POLR1E: variants seen among roughly 807,000 people sequenced by gnomAD.
The protein encoded by POLR1E is RNA polymerase I subunit E.
POLR1E carries 37 observed loss-of-function variants against 50.9 expected under a neutral mutation model. The observed-to-expected ratio is 0.73, with a 90% CI of 0.56 to 0.96. POLR1E has a LOEUF of 0.96. Ranked by LOEUF, POLR1E falls within the 40% of genes least tolerant of loss-of-function variation. POLR1E has a pLI of 0.00. For missense variants in POLR1E, 426 were observed against 518.1 expected (o/e 0.82, Z 1.73); for synonymous variants, 166 against 191.6 (o/e 0.87, Z 1.10).
At chr9:37,493,503 G>A in intron 5 of POLR1E, 56 bp from the exon 6 acceptor site, 2 of 1,415,766 alleles carry the variant, frequency 1.4e-6, no homozygotes, top group African/African-American at 2.9e-5. Context: ...GACACAGCTA[G>A]GAGGGGCAGC....
intron 4 of POLR1E, 116 bp from the exon 5 acceptor site, chr9:37,492,533 CAGGGAAGT>C: frequency 2.1e-6 from 2 of 948,836 alleles, no homozygotes; most frequent in Non-Finnish European, 3.3e-6. Context: ...ATGTTAGGCT[CAGGGAAGT>C]CCTATAGTAA....
intron 7 of POLR1E, 136 bp downstream of exon 7, chr9:37,495,412 A>G: frequency 1.3e-6 from 1 of 741,342 alleles, no homozygotes; most frequent in South Asian, 1.6e-5. Context: ...GCAGTTGCTC[A>G]GTGCTCTTGC....
At chr9:37,500,526 T>A (rs1279468664) in intron 9 of POLR1E, among the ~76,000 whole-genome samples, 1 of 152,116 alleles carries the variant, frequency 6.6e-6, no homozygotes, top group Non-Finnish European at 1.5e-5. Flanking sequence ...CCTTTCCCCC[T>A]CTCTCCCTGA....
chr9:37,498,189 T>C lies in POLR1E; in HGVS notation c.851T>C (p.Ile284Thr). ...ARCIWFLDTL[I>T]KFRAHRVVKR... is the part of the protein sequence containing the mutation. ...TGCATATGGTTTCTGGATACCCTCATCAAATTTCGAGCTCATAGGGTAGTT... is the reference window on the plus strand; with the variant it reads ...TGCATATGGTTTCTGGATACCCTCACCAAATTTCGAGCTCATAGGGTAGTT... Residue 284 changes from isoleucine (I) to threonine (T), a missense_variant, in exon 9 of 12, where the codon ATC becomes ACC. By Grantham distance (89) the Ile-to-Thr change is moderately conservative (BLOSUM62 -1). Transcript: ENST00000377798. 6.2e-7 allele frequency: 1 copy of C among 1,614,052 alleles called. No homozygotes were observed. Among genetic ancestry groups the C allele is most frequent in the Non-Finnish European group, 8.5e-7 (1 of 1,179,934 alleles).
In POLR1E at chr9:37,495,257, C is replaced by T. The variant is rs374737824; in HGVS notation, c.636C>T (p.Asp212=). The change falls in exon 7 of 12, where the codon GAC becomes GAT. Residue 212 remains aspartate, a synonymous_variant. Coordinates refer to ENST00000377798, the MANE Select transcript of POLR1E (RefSeq NM_022490.4). ...PCYDDAAKPE[D]VYKFEDLLSP... Reference sequence around the variant, plus strand: ...ATGATGATGCAGCCAAGCCTGAAGACGTGTATAAATTTGAAGATCGTATCC... The same window carrying T: ...ATGATGATGCAGCCAAGCCTGAAGATGTGTATAAATTTGAAGATCGTATCC... 133 of 1,613,654 alleles carry T rather than the reference C, an allele frequency of 8.2e-5. No homozygotes were observed. The highest frequency in any genetic ancestry group is 2.9e-4 in the South Asian group (26 of 91,076).
intron 1 of POLR1E, chr9:37,486,424 C>T (rs1159754057): frequency 2.6e-6 from 4 of 1,534,948 alleles, no homozygotes; most frequent in Non-Finnish European, 3.5e-6. Flanking sequence ...GCAGGGGTTC[C>T]TTCTGTCACT....
At chr9:37,496,627 T>C (rs897094603) in intron 8 of POLR1E, among the ~76,000 whole-genome samples, 5 of 86,202 alleles carry the variant, frequency 5.8e-5, no homozygotes, top group East Asian at 3.6e-4. Context: ...TTATTTCTTT[T>C]TTTTTTTTTT....
intron 1 of POLR1E, chr9:37,486,334 C>A: frequency 9.5e-6 from 13 of 1,374,506 alleles, no homozygotes; most frequent in African/African-American, 1.5e-5. Flanking sequence ...CTCACCCGCT[C>A]CCCAGAGCTG....
intron 8 of POLR1E, 80 bp downstream of exon 8, chr9:37,496,066 G>T: frequency 9.8e-7 from 1 of 1,015,360 alleles, no homozygotes. Context: ...CAGGTCCTCT[G>T]GGCGTCAGTC....
chr9:37,502,472 G>A (rs1012495200), intron 11 of POLR1E, among the ~76,000 whole-genome samples: 2 of 152,240 alleles, frequency 1.3e-5, no homozygotes, highest in African/African-American at 4.8e-5. Context: ...TAGCCTTGTA[G>A]AGGAGATTCA....
chr9:37,490,187 A>G (rs1339253238), intron 4 of POLR1E, among the ~76,000 whole-genome samples: 1 of 152,218 alleles, frequency 6.6e-6, no homozygotes, highest in Non-Finnish European at 1.5e-5. Context: ...CAAATATTTC[A>G]TACGTAATAC....
rs1442228048 is a variant in POLR1E, at chr9:37,488,064, C to T, written c.257+125C>T. 7 of 861,152 alleles carry T rather than the reference C, an allele frequency of 8.1e-6. No individual in the cohort carries two copies. The South Asian group carries it at 9.5e-5, about 12-fold the overall frequency. The allele number at this position is 861,152 out of a possible 1,614,324, so 53.3% of individuals were successfully genotyped here. A position where few individuals can be genotyped will look rare whatever the true frequency, so the allele number is the denominator to read the frequency against. On this transcript the variant is annotated intron_variant, in intron 3 of 11. Transcript: ENST00000377798. ...CATCTAGAGAGGTTTACTAGGTGATCCCTGTGTTCCTATTAGACCCAGAGC... is the reference window on the plus strand; with the variant it reads ...CATCTAGAGAGGTTTACTAGGTGATTCCTGTGTTCCTATTAGACCCAGAGC...
chr9:37,500,775 CT>C, intron 9 of POLR1E, 64 bp from the exon 10 acceptor site: 2 of 1,349,470 alleles, frequency 1.5e-6, no homozygotes, highest in Non-Finnish European at 2.1e-6. Flanking sequence ...TTTCTCTTAG[CT>C]CATGGTTGAG....
chr9:37,500,832 T>C lies in POLR1E; in HGVS notation c.887-8T>C, dbSNP rs1564326240. The stretch of plus-strand genomic sequence containing the variant: ...GAGAAAATGATCAAACTCAACTTTG[T>C]GTTGTAGGTGCTCTGGGACCTGGAG... On this transcript the variant is annotated splice_polypyrimidine_tract_variant and splice_region_variant and intron_variant, in intron 9 of 11. Coordinates refer to ENST00000377798, the MANE Select transcript of POLR1E (RefSeq NM_022490.4). 6.2e-7 allele frequency: 1 copy of C among 1,607,876 alleles called. No homozygotes were observed. Among genetic ancestry groups the C allele is most frequent in the Non-Finnish European group, 8.5e-7 (1 of 1,174,324 alleles).
At chr9:37,496,768 C>T (rs947724176) in intron 8 of POLR1E, among the ~76,000 whole-genome samples, 4 of 151,936 alleles carry the variant, frequency 2.6e-5, no homozygotes, top group African/African-American at 9.7e-5. Context: ...AGTCCCCGAA[C>T]TCTGCCCTTA....
rs753837717 is a variant in POLR1E at position 37,489,307 on chromosome 9, T to C, written c.258-8T>C. On this transcript the variant is annotated splice_region_variant and splice_polypyrimidine_tract_variant and intron_variant, in intron 3 of 11. Transcript: ENST00000377798. ...CATTGTTATTTGTATTATTTCTTCT[T>C]TATTCAGGCACTTTGTGGGAATTTT... is the stretch of plus-strand genomic sequence containing the variant. 5.7e-6 allele frequency: 9 copies of C among 1,581,806 alleles called. No homozygotes were observed. Among genetic ancestry groups the C allele is most frequent in the Non-Finnish European group, 7.7e-6 (9 of 1,163,830 alleles).
intron 4 of POLR1E, among the ~76,000 whole-genome samples, chr9:37,491,378 C>A (rs1820681225): frequency 6.6e-6 from 1 of 152,102 alleles, no homozygotes; most frequent in African/African-American, 2.4e-5. Context: ...TGAGAATCTG[C>A]TAAGGACCTG....
intron 3 of POLR1E, 99 bp downstream of exon 3, chr9:37,488,038 C>A: frequency 2.4e-6 from 3 of 1,230,958 alleles, no homozygotes; most frequent in Non-Finnish European, 3.5e-6. Context: ...GTAGCAGGAG[C>A]CATCTAGAGA....
In POLR1E at chr9:37,500,937, C is replaced by A; in HGVS notation, c.968+16C>A. ...ACAATGGCAGGTCAGGGGGTGGTTG[C>A]TGGGATTTTTCTTGTGCAGGAGAAA... On this transcript the variant is annotated intron_variant, in intron 10 of 11. Coordinates refer to ENST00000377798, the MANE Select transcript of POLR1E (RefSeq NM_022490.4). 6.2e-7 allele frequency: 1 copy of A among 1,604,230 alleles called. No individual in the cohort carries two copies.
Sources: allele counts gnomAD v4.1 joint callset (sites outside exome capture counted in the v4.1 genomes callset), GRCh38; gene constraint gnomAD v4.1.1; transcripts MANE v1.5; gene names NCBI Gene and HGNC (gene_info 2026-07-23, HGNC 2026-07-21).